The following TTC29 variants were observed in gnomAD, a reference collection of about 807,000 sequenced individuals.
TTC29 encodes tetratricopeptide repeat domain 29, also known as tetratricopeptide repeat protein 29.
TTC29 carries 49 observed loss-of-function variants against 58.1 expected under a neutral mutation model. That is an observed-to-expected ratio of 0.84 (90% confidence interval 0.67 to 1.07). The LOEUF is 1.07. TTC29 is among the 50% of genes least tolerant of loss of function. The probability of loss-of-function intolerance (pLI) is 0.00; values close to 1 mark genes in which losing one functional copy is unlikely to be tolerated. For synonymous variants in TTC29, 209 were observed against 196.8 expected, an observed-to-expected ratio of 1.06 and a Z score of -0.52; for missense variants, 582 against 555.6, an observed-to-expected ratio of 1.05 and a Z score of -0.48.
At chr4:146,795,377 C>A (rs1749765215) in intron 11 of TTC29, among the ~76,000 whole-genome samples, 1 of 152,074 alleles carries the variant, frequency 6.6e-6, no homozygotes, top group Non-Finnish European at 1.5e-5. Context: ...CTATACTGGG[C>A]CCACTGACCC....
intron 11 of TTC29, among the ~76,000 whole-genome samples, chr4:146,713,774 T>C (rs956041586): frequency 1.3e-5 from 2 of 152,124 alleles, no homozygotes; most frequent in African/African-American, 4.8e-5. Context: ...ACCATTATTC[T>C]GAATAAATGG....
chr4:146,821,432 GT>G lies in TTC29; in HGVS notation c.978-1185del, dbSNP rs200916520. On this transcript the variant is annotated intron_variant, in intron 9 of 12. Transcript: ENST00000325106. Reference sequence around the variant, plus strand: ...ATAAGAATTATGTCTCACTAAAGCTGTTTTTAAAAAAAAACTTTTAAAAGTT... The same window carrying G: ...ATAAGAATTATGTCTCACTAAAGCTGTTTTAAAAAAAAACTTTTAAAAGTT... Among the ~76,000 whole-genome samples the G allele has an allele frequency of 7.2e-5, 11 of 151,832 alleles. No homozygotes were observed. In the East Asian group the frequency reaches 1.7e-3, roughly 24 times the overall value.
intron 4 of TTC29, among the ~76,000 whole-genome samples, chr4:146,912,798 G>A (rs923143856): frequency 4.6e-5 from 7 of 152,056 alleles, no homozygotes; most frequent in African/African-American, 1.7e-4. Flanking sequence ...GCTGGGGGTG[G>A]AACCAGGGTA....
intron 10 of TTC29, among the ~76,000 whole-genome samples, chr4:146,811,508 A>G (rs373228764): frequency 2.0e-5 from 3 of 152,088 alleles, no homozygotes; most frequent in Non-Finnish European, 1.5e-5. Flanking sequence ...CCTTCCACTC[A>G]TCTCTCTCCT....
intron 11 of TTC29, among the ~76,000 whole-genome samples, chr4:146,776,133 TATCAG>T (rs1748073567): frequency 6.6e-6 from 1 of 152,246 alleles, no homozygotes; most frequent in Admixed American, 6.5e-5. Flanking sequence ...TCTTCAGCTC[TATCAG>T]ATAAGTTTGT....
At chr4:146,844,438 T>TA (rs78097214) in intron 8 of TTC29, among the ~76,000 whole-genome samples, 2 of 152,108 alleles carry the variant, frequency 1.3e-5, no homozygotes, top group Non-Finnish European at 2.9e-5. Context: ...GTACTATAAA[T>TA]AAAAAAATGT....
At position 146,907,747 on chromosome 4, in the gene TTC29, G is replaced by A. The variant is rs368914262; in HGVS notation, c.400+1279C>T. 2.2e-3 allele frequency among the ~76,000 whole-genome samples: 340 copies of A among 152,188 alleles called. 3 individuals are homozygous for A. The highest frequency in any genetic ancestry group is 2.3e-3 in the Non-Finnish European group (159 of 68,010). On this transcript the variant is annotated intron_variant, in intron 5 of 12. Coordinates refer to ENST00000325106, the MANE Select transcript of TTC29 (RefSeq NM_031956.4). ...ACTCCTGACCTCAGGTGATCCACCC[G>A]CCTTGGCCTCCCAAAGTGCTAGAAT...
At chr4:146,881,466 A>T (rs1242779884) in intron 6 of TTC29, among the ~76,000 whole-genome samples, 2 of 152,146 alleles carry the variant, frequency 1.3e-5, no homozygotes, top group Non-Finnish European at 2.9e-5. Context: ...ATTATATTAC[A>T]TTTTAATCTA....
At chr4:146,886,981 A>G (rs1290354369) in intron 6 of TTC29, among the ~76,000 whole-genome samples, 1 of 152,206 alleles carries the variant, frequency 6.6e-6, no homozygotes, top group Admixed American at 6.5e-5. Context: ...ATACTTCATG[A>G]TTCCACTTAC....
At chr4:146,733,442 T>C (rs985343040) in intron 11 of TTC29, among the ~76,000 whole-genome samples, 15 of 152,132 alleles carry the variant, frequency 9.9e-5, no homozygotes, top group Non-Finnish European at 1.6e-4. Flanking sequence ...TATGAAATAA[T>C]GGCAGTCACT....
At chr4:146,764,228 T>C (rs1443792950) in intron 11 of TTC29, 1 of 152,106 alleles carries the variant, frequency 6.6e-6, no homozygotes, top group African/African-American at 2.4e-5. Context: ...AGAAAATAGA[T>C]TCCAATTCAT....
chr4:146,713,770 A>T (rs1437243869), intron 11 of TTC29, among the ~76,000 whole-genome samples: 1 of 152,110 alleles, frequency 6.6e-6, no homozygotes, highest in Non-Finnish European at 1.5e-5. Context: ...ACACACCATT[A>T]TTCTGAATAA....
intron 6 of TTC29, among the ~76,000 whole-genome samples, chr4:146,889,365 A>C (rs1225613458): frequency 6.6e-6 from 1 of 152,142 alleles, no homozygotes; most frequent in Non-Finnish European, 1.5e-5. Flanking sequence ...AAAAAATAAT[A>C]CTTAAAATAA....
At chr4:146,778,976 CAAAAAAAAAAAA>C (rs369374851) in intron 11 of TTC29, among the ~76,000 whole-genome samples, 2 of 28,536 alleles carry the variant, frequency 7.0e-5, no homozygotes, top group Non-Finnish European at 1.1e-4. Flanking sequence ...CCTAAATAAG[CAAAAAAAAAAAA>C]AAAAAAAAAA....
chr4:146,792,150 G>T (rs1253995669), intron 11 of TTC29, among the ~76,000 whole-genome samples: 1 of 152,214 alleles, frequency 6.6e-6, no homozygotes, highest in Non-Finnish European at 1.5e-5. Flanking sequence ...CAATGCAGAT[G>T]AAACAGCCTT....
At chr4:146,720,337 C>A (rs1005438631) in intron 11 of TTC29, among the ~76,000 whole-genome samples, 6 of 152,212 alleles carry the variant, frequency 3.9e-5, no homozygotes, top group African/African-American at 1.4e-4. Flanking sequence ...AAATGGTATA[C>A]TTTTCTTGCA....
In TTC29 at chr4:146,820,139, T is replaced by G; in HGVS notation, c.1087A>C (p.Ile363Leu). ...LVRASTMLGDIYNEKGYYNKA... is the reference protein window; with the variant it reads ...LVRASTMLGDLYNEKGYYNKA... ...CATAGACTCACTTTTTCATTGTAGA[T>G]GTCCCCAAGCATTGTACTTGCTCTC... Residue 363 changes from isoleucine to leucine, a missense_variant, in exon 10 of 13, where the codon ATC (isoleucine) becomes CTC (leucine). Physicochemically the swap from Ile to Leu is conservative, Grantham distance 5 (BLOSUM62 2). Coordinates refer to ENST00000325106, the MANE Select transcript of TTC29 (RefSeq NM_031956.4). The G allele has an allele frequency of 6.2e-7, 1 of 1,613,070 alleles. No homozygotes were observed. Among genetic ancestry groups the G allele is most frequent in the Non-Finnish European group, 8.5e-7 (1 of 1,179,758 alleles).
chr4:146,748,087 G>C (rs779607929), intron 11 of TTC29, among the ~76,000 whole-genome samples: 1 of 152,156 alleles, frequency 6.6e-6, no homozygotes, highest in Non-Finnish European at 1.5e-5. Flanking sequence ...CTCACTGTTT[G>C]GTTCCTCATC....
chr4:146,767,031 C>T (rs1473844104), intron 11 of TTC29, among the ~76,000 whole-genome samples: 3 of 152,080 alleles, frequency 2.0e-5, no homozygotes, highest in Non-Finnish European at 2.9e-5. Flanking sequence ...GCTTTAGCAA[C>T]TTGGTATTAT....
Sources: allele counts gnomAD v4.1 joint callset (sites outside exome capture counted in the v4.1 genomes callset), GRCh38; gene constraint gnomAD v4.1.1; transcripts MANE v1.5; gene names NCBI Gene and HGNC (gene_info 2026-07-23, HGNC 2026-07-21).